Variants in FAM53B observed in about 807,000 individuals in gnomAD.
FAM53B encodes the protein family with sequence similarity 53 member B.
Under a neutral mutation model 32.7 loss-of-function variants are expected in FAM53B, and 12 were observed. That is an observed-to-expected ratio of 0.37 (90% CI 0.24 to 0.59). The LOEUF is 0.59. Ranked by LOEUF, FAM53B falls within the 20% of genes least tolerant of loss-of-function variation. The pLI is 0.72. For synonymous variants in FAM53B, 234 were observed against 228.7 expected, an observed-to-expected ratio of 1.02 and a Z score of -0.21; for missense variants, 477 against 577.7, an observed-to-expected ratio of 0.83 and a Z score of 1.79.
intron 3 of FAM53B, among the ~76,000 whole-genome samples, chr10:124,691,973 G>A (rs1043096130): frequency 3.3e-5 from 5 of 152,216 alleles, no homozygotes; most frequent in South Asian, 2.1e-4. Context: ...GCCGCACCAC[G>A]GAGCTGCCAC....
At chr10:124,671,318 C>T (rs776753126) in intron 4 of FAM53B, 34 of 412,170 alleles carry the variant, frequency 8.2e-5, no homozygotes, top group South Asian at 4.4e-4. Flanking sequence ...ATGGACTCCA[C>T]GCTGCCAAGC....
intron 1 of FAM53B, among the ~76,000 whole-genome samples, chr10:124,719,965 C>T (rs548426332): frequency 1.5e-4 from 23 of 152,148 alleles, no homozygotes; most frequent in Non-Finnish European, 2.6e-4. Flanking sequence ...GAGTTCGAGA[C>T]CAGCCTGGCC....
chr10:124,687,411 T>A (rs530022998), intron 3 of FAM53B, among the ~76,000 whole-genome samples: 33 of 152,246 alleles, frequency 2.2e-4, no homozygotes, highest in African/African-American at 7.2e-4. Context: ...AGGACCTGGG[T>A]TCAAACCTCA....
At chr10:124,668,633 A>G (rs1424364002) in intron 4 of FAM53B, among the ~76,000 whole-genome samples, 1 of 152,252 alleles carries the variant, frequency 6.6e-6, no homozygotes, top group African/African-American at 2.4e-5. Context: ...GCAACCCACA[A>G]GGGTGCTCTC....
At chr10:124,695,894 T>C (rs1282906096) in intron 3 of FAM53B, among the ~76,000 whole-genome samples, 1 of 152,222 alleles carries the variant, frequency 6.6e-6, no homozygotes, top group Admixed American at 6.5e-5. Context: ...CTATTGTGCA[T>C]TTTCTGAATG....
intron 1 of FAM53B, among the ~76,000 whole-genome samples, chr10:124,710,191 G>A (rs940326450): frequency 2.0e-5 from 3 of 152,260 alleles, no homozygotes; most frequent in Admixed American, 1.3e-4. Context: ...GGCTCTGAAT[G>A]CCATACTCAA....
intron 4 of FAM53B, among the ~76,000 whole-genome samples, chr10:124,648,518 C>G (rs1949535570): frequency 6.6e-6 from 1 of 152,216 alleles, no homozygotes; most frequent in Admixed American, 6.5e-5. Context: ...ATGACCTCGT[C>G]CTGCCTGCCT....
intron 4 of FAM53B, among the ~76,000 whole-genome samples, chr10:124,679,700 C>T (rs1225770201): frequency 6.6e-6 from 1 of 152,256 alleles, no homozygotes; most frequent in Admixed American, 6.5e-5. Flanking sequence ...CGGCCAAGGA[C>T]AGACAGGCTG....
At chr10:124,686,569 T>C (rs1308064858) in intron 3 of FAM53B, among the ~76,000 whole-genome samples, 1 of 152,196 alleles carries the variant, frequency 6.6e-6, no homozygotes, top group Non-Finnish European at 1.5e-5. Flanking sequence ...GATACACCTT[T>C]CTCCTAGCTC....
At chr10:124,694,632 G>A (rs1213760111) in intron 3 of FAM53B, among the ~76,000 whole-genome samples, 1 of 152,248 alleles carries the variant, frequency 6.6e-6, no homozygotes, top group Non-Finnish European at 1.5e-5. Flanking sequence ...CTCTTTCCCA[G>A]CATGACGCAG....
chr10:124,683,169 C>A (rs1949783548), intron 3 of FAM53B, among the ~76,000 whole-genome samples: 1 of 152,214 alleles, frequency 6.6e-6, no homozygotes, highest in Admixed American at 6.5e-5. Context: ...AAATAACCAA[C>A]CCTGCTATGA....
rs1949781132 is a variant in FAM53B, at chr10:124,682,710, T to C, written c.134-331A>G. Reference sequence around the variant, plus strand: ...TATTTTTCATCCAAAATGTTTCTCATCTTATGGGTGGGAAATCGACTTGCC... The same window carrying C: ...TATTTTTCATCCAAAATGTTTCTCACCTTATGGGTGGGAAATCGACTTGCC... On this transcript the variant is annotated intron_variant, in intron 3 of 4. Coordinates refer to ENST00000337318, the MANE Select transcript of FAM53B (RefSeq NM_014661.4). This position sits in a 1 kb window ranked among gnomAD's most constrained non-coding sequence, Gnocchi z 5.2. Among the ~76,000 whole-genome samples, 1 of 152,188 alleles carries C rather than the reference T, an allele frequency of 6.6e-6. No individual in the cohort carries two copies. Among genetic ancestry groups the C allele is most frequent in the African/African-American group, 2.4e-5 (1 of 41,432 alleles).
At chr10:124,647,317 G>A (rs1949523290) in intron 4 of FAM53B, among the ~76,000 whole-genome samples, 1 of 152,158 alleles carries the variant, frequency 6.6e-6, no homozygotes, top group African/African-American at 2.4e-5. Context: ...CCCTGTCTCT[G>A]AGGAGCGGCC....
At chr10:124,721,987 A>T (rs1180813758) in intron 1 of FAM53B, among the ~76,000 whole-genome samples, 3 of 152,196 alleles carry the variant, frequency 2.0e-5, no homozygotes. Flanking sequence ...AAAAATTTTG[A>T]TCTCATAGAA....
chr10:124,724,701 T>C (rs1950091352), intron 1 of FAM53B, among the ~76,000 whole-genome samples: 1 of 152,066 alleles, frequency 6.6e-6, no homozygotes, highest in Non-Finnish European at 1.5e-5. Flanking sequence ...CATCCCCCAA[T>C]ATACCAACAG....
At chr10:124,704,822 C>G (rs1440099528) in intron 2 of FAM53B, among the ~76,000 whole-genome samples, 1 of 152,162 alleles carries the variant, frequency 6.6e-6, no homozygotes, top group African/African-American at 2.4e-5. Flanking sequence ...GGGTGGAGAA[C>G]AGGTTAAAAA....
At position 124,620,355 on chromosome 10, in the gene FAM53B, G is replaced by GCCCCCCCCCCCCCCCCCCCC. The variant is rs57254391; in HGVS notation, c.*2886_*2887insGGGGGGGGGGGGGGGGGGGG. 1 of 130,714 alleles carries GCCCCCCCCCCCCCCCCCCCC rather than the reference G, an allele frequency of 7.7e-6. No homozygotes were observed. Among genetic ancestry groups the GCCCCCCCCCCCCCCCCCCCC allele is most frequent in the Non-Finnish European group, 1.6e-5 (1 of 61,044 alleles). 8.1% of individuals were successfully genotyped at this position (130,714 alleles called of 1,614,324 possible). A position where few individuals can be genotyped will look rare whatever the true frequency, so the allele number is the denominator to read the frequency against. ...ATGAGTGGGGTGCATGTGGCACTAA[G>GCCCCCCCCCCCCCCCCCCCC]CCCCCCCCACCGCCCCGGCTTTCCT... On this transcript the variant is annotated 3_prime_UTR_variant, in exon 5 of 5. Coordinates refer to ENST00000337318, the MANE Select transcript of FAM53B (RefSeq NM_014661.4).
intron 4 of FAM53B, among the ~76,000 whole-genome samples, chr10:124,628,823 A>C (rs1216903213): frequency 6.6e-6 from 1 of 152,242 alleles, no homozygotes; most frequent in Non-Finnish European, 1.5e-5. Flanking sequence ...GGCGGGATCA[A>C]GTCCCACGTG....
chr10:124,732,216 C>T (rs1486921454), intron 1 of FAM53B, among the ~76,000 whole-genome samples: 1 of 152,208 alleles, frequency 6.6e-6, no homozygotes, highest in East Asian at 1.9e-4. Flanking sequence ...TGTGCCTACA[C>T]TCAGGGCTAA....
Sources: allele counts gnomAD v4.1 joint callset (sites outside exome capture counted in the v4.1 genomes callset), GRCh38; gene constraint gnomAD v4.1.1; non-coding constraint Gnocchi (gnomAD v3.1); transcripts MANE v1.5; gene names NCBI Gene and HGNC (gene_info 2026-07-23, HGNC 2026-07-21).